The following GRAMD1B variants were observed in gnomAD, a reference collection of about 807,000 sequenced individuals.
The protein encoded by GRAMD1B is GRAM domain containing 1B.
A neutral mutation model predicts 99.7 loss-of-function variants in GRAMD1B; 37 were observed. That is an observed-to-expected ratio of 0.37 (90% CI 0.29 to 0.49). GRAMD1B has a LOEUF of 0.49. Ranked by LOEUF, GRAMD1B falls within the 20% of genes least tolerant of loss-of-function variation. The probability of loss-of-function intolerance (pLI) is 0.98; values close to 1 mark genes in which losing one functional copy is unlikely to be tolerated. For missense variants in GRAMD1B, 888 were observed against 1,009.2 expected, an observed-to-expected ratio of 0.88 and a Z score of 1.63; for synonymous variants, 427 against 387.6, an observed-to-expected ratio of 1.10 and a Z score of -1.19.
chr11:123,595,236 C>G (rs1951129730), intron 6 of GRAMD1B, among the ~76,000 whole-genome samples: 1 of 151,836 alleles, frequency 6.6e-6, no homozygotes, highest in South Asian at 2.1e-4. Flanking sequence ...CTTTCTTTGC[C>G]TCTATTTCCT....
chr11:123,533,101 C>T (rs1943577374), intron 2 of GRAMD1B, among the ~76,000 whole-genome samples: 1 of 152,190 alleles, frequency 6.6e-6, no homozygotes, highest in Non-Finnish European at 1.5e-5. Flanking sequence ...TCCCGAGTAG[C>T]TGGGATTACA....
At chr11:123,620,932 G>C (rs1260348091) in intron 19 of GRAMD1B, among the ~76,000 whole-genome samples, 1 of 152,158 alleles carries the variant, frequency 6.6e-6, no homozygotes, top group African/African-American at 2.4e-5. Flanking sequence ...AGAACTTATA[G>C]ATTAAATTGG....
chr11:123,598,981 G>C, intron 7 of GRAMD1B: 1 of 1,055,196 alleles, frequency 9.5e-7, no homozygotes, highest in Non-Finnish European at 1.5e-6. Flanking sequence ...ATATAATCCA[G>C]CTTCTCAGAT....
chr11:123,595,973 T>C lies in GRAMD1B; in HGVS notation c.905T>C (p.Met302Thr), dbSNP rs1565436059. The C allele has an allele frequency of 1.2e-6, 2 of 1,609,086 alleles. No individual in the cohort carries two copies. The highest frequency in any genetic ancestry group is 1.7e-6 in the Non-Finnish European group (2 of 1,177,632). Residue 302 changes from methionine (M) to threonine (T), a missense_variant, in exon 7 of 20, where the codon ATG (methionine) becomes ACG (threonine). By Grantham distance (81) the Met-to-Thr change is moderately conservative (BLOSUM62 -1). Coordinates refer to ENST00000635736, the MANE Select transcript of GRAMD1B (RefSeq NM_001387025.1). ...GTCCGTTTGAAAGACATCTGTTCCA[T>C]GACTAAAGAAAAAACAGCTCGCCTC... is the stretch of plus-strand genomic sequence containing the variant. ...LTVRLKDICSMTKEKTARLIP... is the reference protein window; with the variant it reads ...LTVRLKDICSTTKEKTARLIP...
chr11:123,474,988 C>G (rs943450153), intron 1 of GRAMD1B, among the ~76,000 whole-genome samples: 1 of 152,144 alleles, frequency 6.6e-6, no homozygotes, highest in Non-Finnish European at 1.5e-5. Context: ...GCATAGGAAG[C>G]TATGACTCCT....
intron 15 of GRAMD1B, 96 bp from the exon 16 acceptor site, chr11:123,613,359 C>T (rs1447400575): frequency 3.2e-6 from 3 of 946,652 alleles, no homozygotes; most frequent in South Asian, 1.6e-5. Context: ...CCCACCCAAC[C>T]AACTTCCCAG....
chr11:123,448,083 G>C (rs1238935011), intron 1 of GRAMD1B, among the ~76,000 whole-genome samples: 3 of 152,066 alleles, frequency 2.0e-5, no homozygotes, highest in African/African-American at 7.2e-5. Context: ...TGCCTAGGCT[G>C]GTCTCAAACT....
Position 123,625,836 on chromosome 11 carries a change from T to G in GRAMD1B, c.*3241T>G, listed in dbSNP as rs756572293. 13 of 151,968 alleles carry G rather than the reference T, an allele frequency of 8.6e-5. No individual in the cohort carries two copies. Among genetic ancestry groups the G allele is most frequent in the Non-Finnish European group, 1.3e-4 (9 of 68,050 alleles). The allele number at this position is 151,968 out of a possible 1,614,324, so 9.4% of individuals were successfully genotyped here. A position where few individuals can be genotyped will look rare whatever the true frequency, so the allele number is the denominator to read the frequency against. The stretch of plus-strand genomic sequence containing the variant: ...AAGCCCAGAGGCTGAAGCTTCCCAG[T>G]ATTTAGAGGTGTGGTAGGGCAGTGT... On this transcript the variant is annotated 3_prime_UTR_variant, in exon 20 of 20. Coordinates refer to ENST00000635736, the MANE Select transcript of GRAMD1B (RefSeq NM_001387025.1).
chr11:123,559,988 T>G (rs181506533), intron 2 of GRAMD1B, among the ~76,000 whole-genome samples: 1 of 152,032 alleles, frequency 6.6e-6, no homozygotes, highest in Non-Finnish European at 1.5e-5. Flanking sequence ...TGGGAAATAA[T>G]TGGTGGCAGC....
intron 2 of GRAMD1B, among the ~76,000 whole-genome samples, chr11:123,508,285 G>A (rs966441831): frequency 3.3e-5 from 5 of 152,084 alleles, no homozygotes; most frequent in African/African-American, 1.2e-4. Flanking sequence ...GAAGAAAATC[G>A]GTTGATCTCA....
chr11:123,563,513 T>C lies in GRAMD1B; in HGVS notation c.453-13854T>C, dbSNP rs546978909. Among the ~76,000 whole-genome samples the C allele has an allele frequency of 6.6e-5, 10 of 151,484 alleles. No individual in the cohort carries two copies. In the East Asian group the frequency reaches 1.6e-3, roughly 23 times the overall value. The stretch of plus-strand genomic sequence containing the variant: ...TATAACAGAGGGTTTTTTCTTTTTT[T>C]TTTTTTTCTTTTTTTTGAGGCAAGG... On this transcript the variant is annotated intron_variant, in intron 2 of 19. Coordinates refer to ENST00000635736, the MANE Select transcript of GRAMD1B (RefSeq NM_001387025.1).
At chr11:123,536,966 T>A (rs1294439825) in intron 2 of GRAMD1B, among the ~76,000 whole-genome samples, 1 of 152,256 alleles carries the variant, frequency 6.6e-6, no homozygotes, top group East Asian at 1.9e-4. Flanking sequence ...GATTGGTCTC[T>A]CAGACCTTCG....
intron 1 of GRAMD1B, among the ~76,000 whole-genome samples, chr11:123,398,766 C>T (rs572195136): frequency 2.0e-4 from 31 of 152,008 alleles, no homozygotes; most frequent in African/African-American, 5.3e-4. Flanking sequence ...AACTTTAGTG[C>T]GGTATGCTTG....
chr11:123,479,065 G>A (rs75047015), intron 1 of GRAMD1B, among the ~76,000 whole-genome samples: 4,947 of 152,266 alleles, frequency 0.032, 239 homozygotes, highest in African/African-American at 0.1. Context: ...AGCTGGCAAA[G>A]TGAAAATGAT....
chr11:123,572,855 G>A (rs1003500324), intron 2 of GRAMD1B, among the ~76,000 whole-genome samples: 1 of 150,648 alleles, frequency 6.6e-6, no homozygotes, highest in Non-Finnish European at 1.5e-5. Flanking sequence ...CGATGGCTGG[G>A]GCAGGGGCAC....
chr11:123,595,647 G>A (rs1592192107), intron 6 of GRAMD1B, among the ~76,000 whole-genome samples: 1 of 152,086 alleles, frequency 6.6e-6, no homozygotes, highest in East Asian at 1.9e-4. Flanking sequence ...GTTTCTGTAA[G>A]TGGCAAATAA....
chr11:123,572,358 G>T (rs1948196006), intron 2 of GRAMD1B, among the ~76,000 whole-genome samples: 1 of 152,146 alleles, frequency 6.6e-6, no homozygotes, highest in Non-Finnish European at 1.5e-5. Flanking sequence ...ATAGTGGCAG[G>T]GTCAGATGAA....
intron 2 of GRAMD1B, among the ~76,000 whole-genome samples, chr11:123,572,517 A>G (rs1193663450): frequency 6.6e-6 from 1 of 152,220 alleles, no homozygotes; most frequent in East Asian, 1.9e-4. Context: ...GGACTCTAGC[A>G]AGTTTAGTGC....
intron 4 of GRAMD1B, among the ~76,000 whole-genome samples, chr11:123,590,235 G>A (rs74389123): frequency 0.013 from 1,982 of 152,270 alleles, 29 homozygotes; most frequent in African/African-American, 0.033. Flanking sequence ...TGATCTCAGC[G>A]TCTCCACCAC....
Sources: allele counts gnomAD v4.1 joint callset (sites outside exome capture counted in the v4.1 genomes callset), GRCh38; gene constraint gnomAD v4.1.1; transcripts MANE v1.5; gene names NCBI Gene and HGNC (gene_info 2026-07-23, HGNC 2026-07-21).